The following LMNB1 variants were observed in gnomAD, a reference collection of about 807,000 sequenced individuals.
LMNB1 encodes lamin B1.
LMNB1 carries 23 observed loss-of-function variants against 67.1 expected under a neutral mutation model. The ratio of observed to expected loss-of-function variants is 0.34; its 90% CI spans 0.25 to 0.49. The LOEUF is 0.49. Among genes scored for constraint, LMNB1 ranks in the 20% least tolerant of loss-of-function variants. The pLI is 0.99. For missense variants in LMNB1, 634 were observed against 746.5 expected, an observed-to-expected ratio of 0.85 and a Z score of 1.76; for synonymous variants, 281 against 282.9, an observed-to-expected ratio of 0.99 and a Z score of 0.07.
At chr5:126,819,686 C>T (rs1751812637) in intron 6 of LMNB1, among the ~76,000 whole-genome samples, 1 of 151,844 alleles carries the variant, frequency 6.6e-6, no homozygotes, top group African/African-American at 2.4e-5. Context: ...AGAGGTTTCA[C>T]CATGTTGGCC....
chr5:126,783,712 A>G (rs1446161787), intron 1 of LMNB1, among the ~76,000 whole-genome samples: 1 of 152,154 alleles, frequency 6.6e-6, no homozygotes, highest in Non-Finnish European at 1.5e-5. Flanking sequence ...CTATTAAAAT[A>G]TGGTGGGTCT....
chr5:126,828,928 C>G (rs1223041818), intron 9 of LMNB1, among the ~76,000 whole-genome samples: 1 of 152,132 alleles, frequency 6.6e-6, no homozygotes, highest in Non-Finnish European at 1.5e-5. Context: ...TAAGTGAGTT[C>G]TGTCAGAAAT....
intron 1 of LMNB1, among the ~76,000 whole-genome samples, chr5:126,783,677 A>G (rs904647628): frequency 6.6e-6 from 1 of 152,180 alleles, no homozygotes; most frequent in Admixed American, 6.5e-5. Flanking sequence ...CAAGGAAGTA[A>G]ACAGGCAGAA....
chr5:126,800,982 A>ATTTTTTTTTT lies in LMNB1; in HGVS notation c.360-3785_360-3776dup, dbSNP rs57114367. Among the ~76,000 whole-genome samples, 51 of 18,610 alleles carry ATTTTTTTTTT rather than the reference A, an allele frequency of 2.7e-3. 1 individual carries two copies. Among genetic ancestry groups the ATTTTTTTTTT allele is most frequent in the Non-Finnish European group, 3.3e-3 (31 of 9,526 alleles). 12.2% of individuals were successfully genotyped at this position (18,610 alleles called of 152,430 possible). ...ATATATATATATATATATATATATAATTTTTTTTTTTTTTTTTTGGTGGTA... is the reference window on the plus strand; with the variant it reads ...ATATATATATATATATATATATATAATTTTTTTTTTTTTTTTTTTTTTTTTTTTGGTGGTA... On this transcript the variant is annotated intron_variant, in intron 1 of 10. Coordinates refer to ENST00000261366, the MANE Select transcript of LMNB1 (RefSeq NM_005573.4).
chr5:126,809,387 C>CT (rs1461201107), intron 3 of LMNB1, among the ~76,000 whole-genome samples: 1 of 152,092 alleles, frequency 6.6e-6, no homozygotes, highest in Admixed American at 6.6e-5. Flanking sequence ...ATTATTATGT[C>CT]TAAGAAAATG....
intron 1 of LMNB1, among the ~76,000 whole-genome samples, chr5:126,787,409 T>A (rs1040241002): frequency 6.6e-6 from 1 of 150,798 alleles, no homozygotes; most frequent in African/African-American, 2.4e-5. Context: ...GCCATATATA[T>A]GTGTATGTGT....
chr5:126,792,567 ATTTTTT>A (rs752371260), intron 1 of LMNB1, among the ~76,000 whole-genome samples: 78 of 99,166 alleles, frequency 7.9e-4, no homozygotes, highest in Middle Eastern at 6.8e-3. Context: ...AGCACTAGGG[ATTTTTT>A]TTTTTTTTTT....
chr5:126,814,458 G>T (rs1300266485), intron 5 of LMNB1, among the ~76,000 whole-genome samples: 1 of 151,946 alleles, frequency 6.6e-6, no homozygotes, highest in Non-Finnish European at 1.5e-5. Context: ...GTAGTAGTGG[G>T]CTCTGAAACT....
chr5:126,816,712 T>C (rs1375424010), intron 5 of LMNB1, among the ~76,000 whole-genome samples: 2 of 152,202 alleles, frequency 1.3e-5, no homozygotes, highest in Admixed American at 1.3e-4. Context: ...TTGAGTAAGA[T>C]TGTCCAGGTA....
intron 1 of LMNB1, among the ~76,000 whole-genome samples, chr5:126,784,217 TG>T (rs1051188022): frequency 2.0e-5 from 3 of 150,650 alleles, no homozygotes; most frequent in Non-Finnish European, 4.4e-5. Flanking sequence ...TTAATAGACT[TG>T]GGGTTTTTCC....
rs1339101065 is a variant in LMNB1 at position 126,824,894 on chromosome 5, C to A, written c.1492-1094C>A. ...ATAGAGACAGGATTTCACCATTTTG[C>A]CCAGGCTGGTTTTAAACTCCTTAGC... is the stretch of plus-strand genomic sequence containing the variant. On this transcript the variant is annotated intron_variant, in intron 8 of 10. Coordinates refer to ENST00000261366, the MANE Select transcript of LMNB1 (RefSeq NM_005573.4). Among the ~76,000 whole-genome samples, 5 of 116,362 alleles carry A rather than the reference C, an allele frequency of 4.3e-5. No homozygotes were observed. The Admixed American group carries it at 6.6e-4, about 15-fold the overall frequency. 76.3% of individuals were successfully genotyped at this position (116,362 alleles called of 152,430 possible). A position where few individuals can be genotyped will look rare whatever the true frequency, so the allele number is the denominator to read the frequency against.
At position 126,784,884 on chromosome 5, in the gene LMNB1, G is replaced by C. The variant is rs966344529; in HGVS notation, c.359+7017G>C. Among the ~76,000 whole-genome samples, 6 of 150,956 alleles carry C rather than the reference G, an allele frequency of 4.0e-5. No homozygotes were observed. The South Asian group carries it at 1.0e-3, about 26-fold the overall frequency. ...TCACCGTGTTAGCCGGGATGGGCTC[G>C]ATCTCCTGACCTCGTGATCCGCCCG... On this transcript the variant is annotated intron_variant, in intron 1 of 10. Coordinates refer to ENST00000261366, the MANE Select transcript of LMNB1 (RefSeq NM_005573.4).
At chr5:126,814,454 G>A (rs1342510911) in intron 5 of LMNB1, among the ~76,000 whole-genome samples, 1 of 152,000 alleles carries the variant, frequency 6.6e-6, no homozygotes, top group African/African-American at 2.4e-5. Context: ...ATAAGTAGTA[G>A]TGGGCTCTGA....
In LMNB1 at chr5:126,820,533, A is replaced by C. The variant is rs144547718; in HGVS notation, c.1161-377A>C. Among the ~76,000 whole-genome samples the C allele has an allele frequency of 2.6e-3, 392 of 151,956 alleles. 1 individual carries two copies. The highest frequency in any genetic ancestry group is 3.7e-3 in the Non-Finnish European group (254 of 67,922). The stretch of plus-strand genomic sequence containing the variant: ...TGGGTGGGATATTCTTCTTCTTATT[A>C]TTATTATTTTGAGACAGGTTTTCAC... On this transcript the variant is annotated intron_variant, in intron 6 of 10. Transcript: ENST00000261366.
Position 126,805,528 on chromosome 5 carries a change from A to G in LMNB1, c.517-43A>G, listed in dbSNP as rs1561744564. 7 of 1,411,310 alleles carry G rather than the reference A, an allele frequency of 5.0e-6. No individual in the cohort carries two copies. The South Asian group carries it at 8.4e-5, about 17-fold the overall frequency. The allele number at this position is 1,411,310 out of a possible 1,614,324, so 87.4% of individuals were successfully genotyped here. On this transcript the variant is annotated intron_variant, in intron 2 of 10. Transcript: ENST00000261366. Reference sequence around the variant, plus strand: ...GATATCTTATGTTCATTATTAAATGATTGCCATGTAATTTTTATCACAATT... The same window carrying G: ...GATATCTTATGTTCATTATTAAATGGTTGCCATGTAATTTTTATCACAATT...
chr5:126,781,005 C>T (rs1561732168), intron 1 of LMNB1, among the ~76,000 whole-genome samples: 1 of 152,036 alleles, frequency 6.6e-6, no homozygotes, highest in African/African-American at 2.4e-5. Context: ...TTAAAGACAG[C>T]TTCCTGGCCA....
chr5:126,821,009 T>C lies in LMNB1; in HGVS notation c.1260T>C (p.Asp420=). 2 of 1,614,110 alleles carry C rather than the reference T, an allele frequency of 1.2e-6. No homozygotes were observed. The highest frequency in any genetic ancestry group is 1.7e-6 in the Non-Finnish European group (2 of 1,179,920). Residue 420 remains aspartate, a synonymous_variant, in exon 7 of 11, where the codon GAT becomes GAC. Coordinates refer to ENST00000261366, the MANE Select transcript of LMNB1 (RefSeq NM_005573.4). ...CTAGAGGAAAGCGGAAGAGGGTTGA[T>C]GTGGAAGAATCAGAGGCGAGTAGTA... is the stretch of plus-strand genomic sequence containing the variant. The part of the protein sequence containing the change: ...RTTRGKRKRV[D]VEESEASSSV...
intron 1 of LMNB1, among the ~76,000 whole-genome samples, chr5:126,787,542 A>ATTTTTTTTTTT (rs1561735766): frequency 2.9e-5 from 2 of 68,278 alleles, no homozygotes; most frequent in African/African-American, 5.4e-5. Context: ...ATATATATAT[A>ATTTTTTTTTTT]TATATTTTTT....
intron 5 of LMNB1, among the ~76,000 whole-genome samples, chr5:126,814,562 G>A (rs1222452039): frequency 6.7e-6 from 1 of 148,508 alleles, no homozygotes; most frequent in Admixed American, 6.7e-5. Flanking sequence ...TTTTGAGACA[G>A]AATTTTGCTT....
Sources: allele counts gnomAD v4.1 joint callset (sites outside exome capture counted in the v4.1 genomes callset), GRCh38; gene constraint gnomAD v4.1.1; transcripts MANE v1.5; gene names NCBI Gene and HGNC (gene_info 2026-07-23, HGNC 2026-07-21).